Variants in SI observed in about 807,000 individuals in gnomAD.
SI encodes sucrase-isomaltase.
SI carries 235 observed loss-of-function variants against 253.3 expected under a neutral mutation model. That is an observed-to-expected ratio of 0.93 (90% confidence interval 0.83 to 1.03). The LOEUF (loss-of-function observed/expected upper bound fraction) is 1.03. SI is among the 50% of genes least tolerant of loss of function. SI has a pLI of 0.00. For missense variants in SI, 2,442 were observed against 2,211.1 expected (o/e 1.10, Z -2.09); for synonymous variants, 819 against 712.0 (o/e 1.15, Z -2.39).
intron 34 of SI, among the ~76,000 whole-genome samples, chr3:165,012,217 A>T (rs1435435192): frequency 6.6e-6 from 1 of 152,178 alleles, no homozygotes; most frequent in Non-Finnish European, 1.5e-5. Context: ...ATAGGGTAGA[A>T]TGGTAGTTGC....
the SI span, among the ~76,000 whole-genome samples, chr3:165,086,962 G>A: frequency 6.6e-6 from 1 of 152,098 alleles, no homozygotes; most frequent in Non-Finnish European, 1.5e-5. Context: ...TCCCTTATGA[G>A]ACAGTTTCAG....
rs377552984 is a variant in SI, at chr3:165,030,742, C to T, written c.2862G>A (p.Lys954=). 49 of 1,609,066 alleles carry T rather than the reference C, an allele frequency of 3.0e-5. No individual in the cohort carries two copies. The East Asian group carries it at 4.3e-4, about 14-fold the overall frequency. The part of the protein sequence containing the change: ...YPDADLATEQ[K]CTQRGCVWRT... ...TCCATACACAGCCACGTTGTGTGCACTTTTGTTCAGTTGCCAAATCTGCAT... is the reference window on the plus strand; with the variant it reads ...TCCATACACAGCCACGTTGTGTGCATTTTTGTTCAGTTGCCAAATCTGCAT... Residue 954 remains lysine (K), a synonymous_variant, in exon 25 of 48, where the codon AAG becomes AAA. Transcript: ENST00000264382.
intron 2 of SI, among the ~76,000 whole-genome samples, 185 bp downstream of exon 2, chr3:165,075,710 A>G (rs1317623385): frequency 6.6e-6 from 1 of 151,990 alleles, no homozygotes; most frequent in Non-Finnish European, 1.5e-5. Flanking sequence ...CTTACTTACA[A>G]TAGCTCATCA....
chr3:164,989,423 A>AGAAG, intron 44 of SI, among the ~76,000 whole-genome samples: 6 of 146,182 alleles, frequency 4.1e-5, no homozygotes, highest in African/African-American at 1.5e-4. Flanking sequence ...AAAGAAAGAA[A>AGAAG]GAAAGAAAGA....
chr3:164,991,245 T>G, intron 44 of SI, 108 bp downstream of exon 44: 1 of 1,192,064 alleles, frequency 8.4e-7, no homozygotes, highest in South Asian at 1.2e-5. Context: ...GGCAGGCTAA[T>G]GTACTAGCTT....
chr3:165,025,924 TA>T (rs946256118), intron 25 of SI, among the ~76,000 whole-genome samples: 1 of 149,248 alleles, frequency 6.7e-6, no homozygotes, highest in African/African-American at 2.4e-5. Flanking sequence ...TAAAACATAA[TA>T]AAAAAACAAG....
intron 15 of SI, among the ~76,000 whole-genome samples, 173 bp from the exon 16 acceptor site, chr3:165,047,185 G>A (rs564300970): frequency 4.7e-4 from 71 of 152,124 alleles, no homozygotes; most frequent in African/African-American, 1.2e-3. Context: ...AGAGAAACCC[G>A]ATGGGAGATG....
intron 25 of SI, among the ~76,000 whole-genome samples, chr3:165,024,874 T>A (rs1711821967): frequency 6.6e-6 from 1 of 151,248 alleles, no homozygotes; most frequent in East Asian, 1.9e-4. Flanking sequence ...TAGGCTTTTA[T>A]CCCTAGTACT....
At chr3:165,020,140 T>G (rs1382681605) in intron 27 of SI, among the ~76,000 whole-genome samples, 2 of 151,658 alleles carry the variant, frequency 1.3e-5, no homozygotes, top group Non-Finnish European at 3.0e-5. Flanking sequence ...CTTGAGATAA[T>G]CACAATACAT....
intron 16 of SI, among the ~76,000 whole-genome samples, chr3:165,045,637 C>G (rs1713063028): frequency 6.6e-6 from 1 of 151,738 alleles, no homozygotes; most frequent in Admixed American, 6.6e-5. Flanking sequence ...TCCTTTTCCA[C>G]TTTTTAAATT....
At chr3:164,987,489 T>G (rs1182158283) in intron 44 of SI, among the ~76,000 whole-genome samples, 1 of 152,176 alleles carries the variant, frequency 6.6e-6, no homozygotes, top group African/African-American at 2.4e-5. Context: ...GGCGGGTGGA[T>G]CATGAGGTCA....
rs770018917 is a variant in SI at position 165,059,284 on chromosome 3, C to A, written c.1162G>T (p.Asp388Tyr). Residue 388 changes from aspartate to tyrosine, a missense_variant, in exon 11 of 48, where the codon GAT (aspartate) becomes TAT (tyrosine). Physicochemically the swap from Asp to Tyr is radical, Grantham distance 160 (BLOSUM62 -3). Coordinates refer to ENST00000264382, the MANE Select transcript of SI (RefSeq NM_001041.4). ...AGIPFDTQVT[D>Y]IDYMEDKKDF... Reference sequence around the variant, plus strand: ...TTCTTGTCTTCCATGTAGTCAATATCAGTGACCTGTGTATCCTGAAAGTTA... The same window carrying A: ...TTCTTGTCTTCCATGTAGTCAATATAAGTGACCTGTGTATCCTGAAAGTTA... 1 of 1,612,422 alleles carries A rather than the reference C, an allele frequency of 6.2e-7. No homozygotes were observed. Among genetic ancestry groups the A allele is most frequent in the South Asian group, 1.1e-5 (1 of 91,046 alleles).
chr3:164,985,442 T>TA, intron 45 of SI, among the ~76,000 whole-genome samples: 1 of 152,306 alleles, frequency 6.6e-6, no homozygotes, highest in Middle Eastern at 3.4e-3. Context: ...CTTCACTTTC[T>TA]AAGTCACAAA....
At chr3:165,033,094 C>G (rs1244359526) in intron 23 of SI, among the ~76,000 whole-genome samples, 2 of 151,498 alleles carry the variant, frequency 1.3e-5, no homozygotes. Flanking sequence ...AAAACATTTT[C>G]AGATATGTTG....
At position 165,017,856 on chromosome 3, in the gene SI, T is replaced by G; in HGVS notation, c.3538A>C (p.Thr1180Pro). ...ACTGTACGGTAAGTTAGAGCAGGAG[T>G]TGGCTGGAATGTAACATCTGGAAAT... ...SNAMDVTFQP[T>P]PALTYRTVGG... The change falls in exon 30 of 48, where the codon ACT becomes CCT. Residue 1180 changes from threonine to proline, a missense_variant. Transcript: ENST00000264382. 3 of 1,612,508 alleles carry G rather than the reference T, an allele frequency of 1.9e-6. No homozygotes were observed. The highest frequency in any genetic ancestry group is 2.5e-6 in the Non-Finnish European group (3 of 1,179,030).
chr3:164,992,325 T>C lies in SI; in HGVS notation c.4914A>G (p.Pro1638=). The change falls in exon 42 of 48, where the codon CCA becomes CCG. Residue 1638 remains proline, a synonymous_variant. Coordinates refer to ENST00000264382, the MANE Select transcript of SI (RefSeq NM_001041.4). The stretch of plus-strand genomic sequence containing the variant: ...TGGTAGGACTTACAGGTTCCAGTAC[T>C]GGGGTAACCATAAATGCTGGACCCC... The part of the protein sequence containing the change: ...FLWGPAFMVT[P]VLEPYVQTVN... 6.2e-7 allele frequency: 1 copy of C among 1,613,466 alleles called. No individual in the cohort carries two copies. The highest frequency in any genetic ancestry group is 1.1e-5 in the South Asian group (1 of 91,080).
At chr3:164,989,121 A>T (rs748379795) in intron 44 of SI, among the ~76,000 whole-genome samples, 24 of 150,734 alleles carry the variant, frequency 1.6e-4, no homozygotes, top group Non-Finnish European at 3.2e-4. Flanking sequence ...TAATTAAAAA[A>T]AAAAGAAACA....
intron 32 of SI, among the ~76,000 whole-genome samples, chr3:165,015,463 A>G (rs1576886308): frequency 6.6e-6 from 1 of 152,120 alleles, no homozygotes; most frequent in Non-Finnish European, 1.5e-5. Flanking sequence ...AAGAAAGATT[A>G]GTAGAGGTTT....
At chr3:164,996,153 T>C (rs1286893473) in intron 40 of SI, among the ~76,000 whole-genome samples, 3 of 151,786 alleles carry the variant, frequency 2.0e-5, no homozygotes, top group Admixed American at 6.6e-5. Context: ...GCGGGGACCA[T>C]GTAGATTTCA....
Sources: gnomAD v4.1 joint callset for allele counts (sites outside exome capture counted in the v4.1 genomes callset) on GRCh38, gnomAD v4.1.1 for gene constraint, MANE v1.5 for transcripts, NCBI Gene and HGNC (gene_info 2026-07-23, HGNC 2026-07-21) for gene names.